The following AASDH variants were observed in gnomAD, a reference collection of about 807,000 sequenced individuals.
AASDH encodes the protein beta-alanine-activating enzyme.
AASDH carries 81 observed loss-of-function variants against 102.3 expected under a neutral mutation model. The ratio of observed to expected loss-of-function variants is 0.79; its 90% CI spans 0.66 to 0.95. AASDH has a LOEUF of 0.95. Among genes scored for constraint, AASDH ranks in the 40% least tolerant of loss-of-function variants. AASDH has a pLI of 0.00. For missense variants in AASDH, 1,203 were observed against 1,266.2 expected (o/e 0.95, Z 0.76); for synonymous variants, 398 against 454.0 (o/e 0.88, Z 1.57).
intron 11 of AASDH, among the ~76,000 whole-genome samples, chr4:56,345,651 A>C (rs1748247803): frequency 1.3e-5 from 2 of 152,192 alleles, no homozygotes; most frequent in African/African-American, 4.8e-5. Context: ...TAAATCACCC[A>C]GTGTTGCTAA....
At chr4:56,364,601 T>G (rs1750754758) in intron 5 of AASDH, among the ~76,000 whole-genome samples, 1 of 152,200 alleles carries the variant, frequency 6.6e-6, no homozygotes, top group Non-Finnish European at 1.5e-5. Flanking sequence ...ACCCAGAATT[T>G]CATATCCAGC....
chr4:56,360,198 T>C (rs1428225903), intron 5 of AASDH, among the ~76,000 whole-genome samples: 1 of 152,206 alleles, frequency 6.6e-6, no homozygotes, highest in African/African-American at 2.4e-5. Context: ...CTTATGTGCA[T>C]GAACACAGCC....
intron 4 of AASDH, among the ~76,000 whole-genome samples, chr4:56,372,092 G>C (rs1045175005): frequency 6.6e-6 from 1 of 152,184 alleles, no homozygotes. Context: ...TTAATCAAAA[G>C]GGAGATTATC....
chr4:56,338,722 A>ATAT lies in AASDH; in HGVS notation c.2974_2976dup (p.Ile992dup). ...ATAAAGCAATCATGGGAACCAAAAA[A>ATAT]TATTTTTTGCTCTGATGGTGAGGTA... is the stretch of plus-strand genomic sequence containing the variant. On this transcript the variant is annotated inframe_insertion, in exon 15 of 15. Transcript: ENST00000205214. The ATAT allele has an allele frequency of 6.2e-7, 1 of 1,614,204 alleles. No individual in the cohort carries two copies. The highest frequency in any genetic ancestry group is 8.5e-7 in the Non-Finnish European group (1 of 1,180,034).
At position 56,338,310 on chromosome 4, in the gene AASDH, C is replaced by T; in HGVS notation, c.*92G>A. ...TTCCGTTTCTTAGCCAAAATATAAT[C>T]TTCTTTAATATAAAATAAGTCCACA... is the stretch of plus-strand genomic sequence containing the variant. On this transcript the variant is annotated 3_prime_UTR_variant, in exon 15 of 15. Transcript: ENST00000205214. 1.5e-6 allele frequency: 2 copies of T among 1,360,750 alleles called. No homozygotes were observed. Among genetic ancestry groups the T allele is most frequent in the Non-Finnish European group, 2.0e-6 (2 of 1,002,552 alleles). 84.3% of individuals were successfully genotyped at this position (1,360,750 alleles called of 1,614,324 possible).
At chr4:56,382,391 T>C (rs774208109) in intron 3 of AASDH, 86 bp downstream of exon 3, 39 of 1,329,326 alleles carry the variant, frequency 2.9e-5, no homozygotes, top group Non-Finnish European at 3.9e-5. Context: ...TTAGCAGACT[T>C]AGGAATCCAG....
chr4:56,355,351 G>A lies in AASDH; in HGVS notation c.934C>T (p.Leu312Phe). The A allele has an allele frequency of 6.2e-7, 1 of 1,614,184 alleles. No homozygotes were observed. The highest frequency in any genetic ancestry group is 1.1e-5 in the South Asian group (1 of 91,090). The change falls in exon 6 of 15, where the codon CTT becomes TTT. Residue 312 changes from leucine to phenylalanine, a missense_variant. Physicochemically the swap from Leu to Phe is conservative, Grantham distance 22. Transcript: ENST00000205214. ...KSTVLSATTS[L>F]RVLALGGEAF... The stretch of plus-strand genomic sequence containing the variant: ...TCACCACCAAGGGCTAATACTCGAA[G>A]AGAAGTAGTGGCTGACAAAACAGTT...
At chr4:56,368,433 G>A (rs1751289159) in intron 5 of AASDH, among the ~76,000 whole-genome samples, 2 of 151,972 alleles carry the variant, frequency 1.3e-5, no homozygotes, top group African/African-American at 4.8e-5. Flanking sequence ...TGTTTATTGC[G>A]GCACTATTCA....
rs1553927668 is a variant in AASDH, at chr4:56,353,612, T to A, written c.1384-16A>T. On this transcript the variant is annotated splice_polypyrimidine_tract_variant and intron_variant, in intron 8 of 14. Transcript: ENST00000205214. ...CTTCAGCAACCTATAAGAGAGATTA[T>A]CCTAATTTGCCAATGAGGATATTTA... 3 of 1,562,716 alleles carry A rather than the reference T, an allele frequency of 1.9e-6. No individual in the cohort carries two copies. In the South Asian group the frequency reaches 3.7e-5, roughly 19 times the overall value.
In AASDH at chr4:56,384,175, G is replaced by T; in HGVS notation, c.125C>A (p.Ala42Asp). 2 of 1,614,122 alleles carry T rather than the reference G, an allele frequency of 1.2e-6. No homozygotes were observed. The highest frequency in any genetic ancestry group is 8.5e-7 in the Non-Finnish European group (1 of 1,180,022). The change falls in exon 2 of 15, where the codon GCT becomes GAT. Residue 42 changes from alanine (A) to aspartate (D), a missense_variant. Transcript: ENST00000205214. ...YYTYKTVVNA[A>D]SELSNFLLLH... ...CAGCAGAAAATTTGATAATTCAGAA[G>T]CAGCATTAACCACAGTCTTGTAGGT...
chr4:56,384,398 G>A (rs1753315211), intron 1 of AASDH, 57 bp from the exon 2 acceptor site: 1 of 918,636 alleles, frequency 1.1e-6, no homozygotes, highest in Non-Finnish European at 1.7e-6. Flanking sequence ...TCGGTGGAGG[G>A]ACAGGGAAAA....
At chr4:56,344,679 A>G (rs910290262) in intron 12 of AASDH, among the ~76,000 whole-genome samples, 1 of 152,104 alleles carries the variant, frequency 6.6e-6, no homozygotes, top group Non-Finnish European at 1.5e-5. Context: ...TCTACTGTCA[A>G]GATGATAATC....
intron 4 of AASDH, among the ~76,000 whole-genome samples, 197 bp downstream of exon 4, chr4:56,377,951 C>T (rs939070693): frequency 6.6e-6 from 1 of 152,126 alleles, no homozygotes; most frequent in Non-Finnish European, 1.5e-5. Context: ...ATTACAGGCA[C>T]CCACCAACAC....
rs1560557022 is a variant in AASDH at position 56,338,795 on chromosome 4, T to G, written c.2908-4A>C. Reference sequence around the variant, plus strand: ...CACTGGTAGAGAACTGCCAAACCTATAACAAGTAATAAAAATAAATATAAT... The same window carrying G: ...CACTGGTAGAGAACTGCCAAACCTAGAACAAGTAATAAAAATAAATATAAT... On this transcript the variant is annotated splice_polypyrimidine_tract_variant and splice_region_variant and intron_variant, in intron 14 of 14. Coordinates refer to ENST00000205214, the MANE Select transcript of AASDH (RefSeq NM_181806.4). 9.9e-6 allele frequency: 16 copies of G among 1,610,184 alleles called. No individual in the cohort carries two copies. The highest frequency in any genetic ancestry group is 1.4e-5 in the Non-Finnish European group (16 of 1,178,146).
chr4:56,348,547 G>A (rs760379383), intron 11 of AASDH, among the ~76,000 whole-genome samples: 3 of 152,138 alleles, frequency 2.0e-5, no homozygotes, highest in Non-Finnish European at 4.4e-5. Flanking sequence ...GAGCCACCGC[G>A]CCTGGCTGAG....
chr4:56,368,268 G>A (rs1443422885), intron 5 of AASDH, among the ~76,000 whole-genome samples: 1 of 152,122 alleles, frequency 6.6e-6, no homozygotes, highest in Non-Finnish European at 1.5e-5. Flanking sequence ...TACACTGTTG[G>A]TGGGACTGTA....
chr4:56,372,035 A>G (rs1389446891), intron 4 of AASDH, among the ~76,000 whole-genome samples: 1 of 152,210 alleles, frequency 6.6e-6, no homozygotes, highest in Admixed American at 6.5e-5. Context: ...CGCCTTCTTC[A>G]AGCAGTTATT....
intron 5 of AASDH, 23 bp downstream of exon 5, chr4:56,371,428 C>A: frequency 6.4e-7 from 1 of 1,566,964 alleles, no homozygotes; most frequent in African/African-American, 1.4e-5. Flanking sequence ...ATAAACAAAA[C>A]GTTCATTGCT....
At position 56,382,591 on chromosome 4, in the gene AASDH, G is replaced by A; in HGVS notation, c.237C>T (p.Leu79=). The change falls in exon 3 of 15, where the codon CTC becomes CTT. Residue 79 remains leucine (L), a synonymous_variant. Transcript: ENST00000205214. Reference sequence around the variant, plus strand: ...TAGGTACATAAGCAGCCGGGACTTGGAGAATTCTAAAGAAAAAAGTACACA... The same window carrying A: ...TAGGTACATAAGCAGCCGGGACTTGAAGAATTCTAAAGAAAAAAGTACACA... The part of the protein sequence containing the change: ...IDLPSWILGI[L]QVPAAYVPIE... The A allele has an allele frequency of 6.2e-7, 1 of 1,606,434 alleles. No homozygotes were observed.
Sources: gnomAD v4.1 joint callset for allele counts (sites outside exome capture counted in the v4.1 genomes callset) on GRCh38, gnomAD v4.1.1 for gene constraint, MANE v1.5 for transcripts, NCBI Gene and HGNC (gene_info 2026-07-23, HGNC 2026-07-21) for gene names.